Variants in TSC1 observed in about 807,000 individuals in gnomAD.
TSC1 encodes the protein TSC complex subunit 1, also known as hamartin.
TSC1 carries 20 observed loss-of-function variants against 124.3 expected under a neutral mutation model. The observed-to-expected ratio is 0.16, with a 90% confidence interval of 0.11 to 0.23. The LOEUF is 0.23. Among genes scored for constraint, TSC1 ranks in the 10% least tolerant of loss-of-function variants. The pLI, the probability that TSC1 is intolerant of heterozygous loss-of-function variation, is 1.00. For missense variants in TSC1, 1,124 were observed against 1,448.5 expected (o/e 0.78, Z 3.64); for synonymous variants, 493 against 539.1 (o/e 0.91, Z 1.19).
rs937759996 is a variant in TSC1 at position 132,891,600 on chromosome 9, C to T, written c.*4635G>A. ...TTCTTCAATTTAACTAAAAGCAGTCCGTTAAAAAAAATCAGTTTCTTTCAC... is the reference window on the plus strand; with the variant it reads ...TTCTTCAATTTAACTAAAAGCAGTCTGTTAAAAAAAATCAGTTTCTTTCAC... On this transcript the variant is annotated 3_prime_UTR_variant, in exon 23 of 23. Transcript: ENST00000298552. 1.7e-5 allele frequency: 4 copies of T among 233,230 alleles called. No individual in the cohort carries two copies. Among genetic ancestry groups the T allele is most frequent in the African/African-American group, 2.2e-5 (1 of 45,222 alleles). The allele number at this position is 233,230 out of a possible 1,614,324, so 14.4% of individuals were successfully genotyped here.
intron 1 of TSC1, among the ~76,000 whole-genome samples, 165 bp downstream of exon 1, chr9:132,944,378 A>G (rs1270559142): frequency 2.6e-5 from 4 of 152,142 alleles, no homozygotes; most frequent in Non-Finnish European, 4.4e-5. Context: ...ATAGCGTGTA[A>G]TAAGAGGGAG....
rs560986491 is a variant in TSC1 at position 132,897,536 on chromosome 9, C to G, written c.2700G>C (p.Gln900His). The G allele has an allele frequency of 5.6e-6, 9 of 1,605,996 alleles. No individual in the cohort carries two copies. The highest frequency in any genetic ancestry group is 7.6e-6 in the Non-Finnish European group (9 of 1,177,134). ...TCCGTTTTTGGGAGGTATCAAGCCT[C>G]TGAGTCTGCTGGAGAACATGGCTTC... ...KNRSHVLQQT[Q>H]RLDTSQKRIL... is the part of the protein sequence containing the mutation. The change falls in exon 21 of 23, where the codon CAG becomes CAC. Residue 900 changes from glutamine to histidine, a missense_variant. Coordinates refer to ENST00000298552, the MANE Select transcript of TSC1 (RefSeq NM_000368.5).
In TSC1 at chr9:132,921,785, C is replaced by CT; in HGVS notation, c.663+33dup. 6.2e-7 allele frequency: 1 copy of CT among 1,613,410 alleles called. No homozygotes were observed. On this transcript the variant is annotated intron_variant, in intron 7 of 22. Coordinates refer to ENST00000298552, the MANE Select transcript of TSC1 (RefSeq NM_000368.5). This position sits in a 1 kb window ranked among gnomAD's most constrained non-coding sequence, Gnocchi z 4.3. ...AAATGCAGCCTATCTAAACAGTATA[C>CT]TAAGTAGCAAACAAACAAGCAGTTT...
Position 132,896,821 on chromosome 9 carries a change from A to G in TSC1, c.2976-67T>C. On this transcript the variant is annotated intron_variant, in intron 22 of 22. Transcript: ENST00000298552. The surrounding 1 kb of genome is among the most constrained non-coding windows in gnomAD (Gnocchi z 4.5). ...ACTGTCCACATTCGGAGGATGTGGAATTACACTGACACTCACTCACACTGA... is the reference window on the plus strand; with the variant it reads ...ACTGTCCACATTCGGAGGATGTGGAGTTACACTGACACTCACTCACACTGA... The G allele has an allele frequency of 2.5e-6, 4 of 1,605,994 alleles. No individual in the cohort carries two copies. The highest frequency in any genetic ancestry group is 3.4e-6 in the Non-Finnish European group (4 of 1,173,794).
chr9:132,944,453 C>T (rs1847959235), intron 1 of TSC1, 90 bp downstream of exon 1: 4 of 397,392 alleles, frequency 1.0e-5, no homozygotes, highest in Middle Eastern at 6.2e-4. Context: ...CTTGCTCCAG[C>T]CCCTCCGAGC....
chr9:132,916,182 T>C (rs1846265198), intron 8 of TSC1, among the ~76,000 whole-genome samples: 1 of 152,218 alleles, frequency 6.6e-6, no homozygotes, highest in African/African-American at 2.4e-5. Flanking sequence ...GGCATTTTTT[T>C]CTTTCTCAGA....
At position 132,895,145 on chromosome 9, in the gene TSC1, G is replaced by A. The variant is rs984093580; in HGVS notation, c.*1090C>T. On this transcript the variant is annotated 3_prime_UTR_variant, in exon 23 of 23. Transcript: ENST00000298552. Reference sequence around the variant, plus strand: ...AAGTTGGAATTGGTATGAAAAAGCTGCCCCTCTTCTGGTAGCCTAGAACCT... The same window carrying A: ...AAGTTGGAATTGGTATGAAAAAGCTACCCCTCTTCTGGTAGCCTAGAACCT... 3 of 233,074 alleles carry A rather than the reference G, an allele frequency of 1.3e-5. No homozygotes were observed. Among genetic ancestry groups the A allele is most frequent in the African/African-American group, 6.6e-5 (3 of 45,308 alleles). 14.4% of individuals were successfully genotyped at this position (233,074 alleles called of 1,614,324 possible).
At chr9:132,905,191 A>G (rs911332603) in intron 15 of TSC1, among the ~76,000 whole-genome samples, 1 of 152,058 alleles carries the variant, frequency 6.6e-6, no homozygotes, top group Non-Finnish European at 1.5e-5. Context: ...GAAAATAATA[A>G]TAATAATCTG....
chr9:132,919,777 G>C (rs532126172), intron 8 of TSC1, among the ~76,000 whole-genome samples: 27 of 152,168 alleles, frequency 1.8e-4, no homozygotes, highest in Non-Finnish European at 2.9e-4. Flanking sequence ...GTTCGGATCA[G>C]AACAGCAGCT....
chr9:132,904,533 A>G, intron 15 of TSC1, 79 bp from the exon 16 acceptor site: 1 of 1,402,910 alleles, frequency 7.1e-7, no homozygotes, highest in Non-Finnish European at 1.0e-6. Context: ...TTTGCAGCAA[A>G]GTTAGATCAC....
chr9:132,940,060 G>A (rs932642892), intron 1 of TSC1, among the ~76,000 whole-genome samples: 2 of 152,088 alleles, frequency 1.3e-5, no homozygotes, highest in African/African-American at 4.8e-5. Context: ...AAACCTTGGG[G>A]AAAAGGCCCA....
At position 132,896,050 on chromosome 9, in the gene TSC1, G is replaced by T; in HGVS notation, c.*185C>A. On this transcript the variant is annotated 3_prime_UTR_variant, in exon 23 of 23. Coordinates refer to ENST00000298552, the MANE Select transcript of TSC1 (RefSeq NM_000368.5). This position sits in a 1 kb window ranked among gnomAD's most constrained non-coding sequence, Gnocchi z 4.5. ...TAGGGCGGGTGGAGGGGAAGGTCAA[G>T]AGGCATTTCAATGCCAGATCCAAAA... 1 of 806,008 alleles carries T rather than the reference G, an allele frequency of 1.2e-6. No individual in the cohort carries two copies. 49.9% of individuals were successfully genotyped at this position (806,008 alleles called of 1,614,324 possible).
chr9:132,940,687 T>C (rs1847687621), intron 1 of TSC1: 1 of 152,222 alleles, frequency 6.6e-6, no homozygotes, highest in African/African-American at 2.4e-5. Flanking sequence ...CTGTAAGAAG[T>C]TAATGGGGTA....
rs1291575846 is a variant in TSC1, at chr9:132,923,514, A to G, written c.364-22T>C. ...CCATCTGCAGGAGAAAAGGTCAAAC[A>G]GGAAACGTCTGTCAGGCACTGGCAC... On this transcript the variant is annotated intron_variant, in intron 5 of 22. Coordinates refer to ENST00000298552, the MANE Select transcript of TSC1 (RefSeq NM_000368.5). This position sits in a 1 kb window ranked among gnomAD's most constrained non-coding sequence, Gnocchi z 4.2. 2 of 1,613,928 alleles carry G rather than the reference A, an allele frequency of 1.2e-6. No homozygotes were observed. Among genetic ancestry groups the G allele is most frequent in the African/African-American group, 1.3e-5 (1 of 74,926 alleles).
chr9:132,910,809 G>A (rs1845915721), intron 11 of TSC1, 117 bp from the exon 12 acceptor site: 4 of 1,489,464 alleles, frequency 2.7e-6, no homozygotes, highest in Non-Finnish European at 3.7e-6. Flanking sequence ...TAACTTTCTG[G>A]GGATCTAGAT....
Position 132,892,942 on chromosome 9 carries a change from A to T in TSC1, c.*3293T>A, listed in dbSNP as rs545961219. 1.7e-5 allele frequency: 4 copies of T among 233,260 alleles called. No individual in the cohort carries two copies. In the East Asian group the frequency reaches 2.4e-4, roughly 14 times the overall value. The allele number at this position is 233,260 out of a possible 1,614,324, so 14.4% of individuals were successfully genotyped here. On this transcript the variant is annotated 3_prime_UTR_variant, in exon 23 of 23. Coordinates refer to ENST00000298552, the MANE Select transcript of TSC1 (RefSeq NM_000368.5). Reference sequence around the variant, plus strand: ...ACCAGAAACTATGTGTGCTGTTGCAAATGGGGACGGCCCAAGAGTCTGGAG... The same window carrying T: ...ACCAGAAACTATGTGTGCTGTTGCATATGGGGACGGCCCAAGAGTCTGGAG...
At chr9:132,930,290 C>T (rs1385283177) in intron 2 of TSC1, among the ~76,000 whole-genome samples, 1 of 151,956 alleles carries the variant, frequency 6.6e-6, no homozygotes, top group African/African-American at 2.4e-5. Context: ...TAAGCTGAGG[C>T]CGGATGTAGT....
At position 132,923,279 on chromosome 9, in the gene TSC1, A is replaced by G. The variant is rs1227136628; in HGVS notation, c.508+69T>C. 1 of 1,592,908 alleles carries G rather than the reference A, an allele frequency of 6.3e-7. No individual in the cohort carries two copies. Among genetic ancestry groups the G allele is most frequent in the Non-Finnish European group, 8.6e-7 (1 of 1,167,850 alleles). On this transcript the variant is annotated intron_variant, in intron 6 of 22. Coordinates refer to ENST00000298552, the MANE Select transcript of TSC1 (RefSeq NM_000368.5). This position sits in a 1 kb window ranked among gnomAD's most constrained non-coding sequence, Gnocchi z 4.2. Reference sequence around the variant, plus strand: ...TCTACATGTCCATTCCTTACAGCATATGAGCAATTAATCAATAATGAAAGC... The same window carrying G: ...TCTACATGTCCATTCCTTACAGCATGTGAGCAATTAATCAATAATGAAAGC...
chr9:132,911,303 G>A (rs1845943809), intron 10 of TSC1, 150 bp downstream of exon 10: 1 of 827,356 alleles, frequency 1.2e-6, no homozygotes, highest in Non-Finnish European at 2.1e-6. Flanking sequence ...AGAGGCAACA[G>A]TAACTTTCTT....
Sources: gnomAD v4.1 joint callset for allele counts (sites outside exome capture counted in the v4.1 genomes callset) on GRCh38, gnomAD v4.1.1 for gene constraint, Gnocchi (gnomAD v3.1) non-coding constraint, MANE v1.5 for transcripts, NCBI Gene and HGNC (gene_info 2026-07-23, HGNC 2026-07-21) for gene names.